The following DPM1 variants were observed in gnomAD, a reference collection of about 807,000 sequenced individuals.
The protein encoded by DPM1 is dolichol-phosphate mannosyltransferase subunit 1.
Under a neutral mutation model 39.0 loss-of-function variants are expected in DPM1, and 27 were observed. The ratio of observed to expected loss-of-function variants is 0.69; its 90% CI spans 0.51 to 0.95. The LOEUF is 0.95. DPM1 is among the 40% of genes least tolerant of loss of function. DPM1 has a pLI of 0.00. For synonymous variants in DPM1, 124 were observed against 109.0 expected (o/e 1.14, Z -0.86); for missense variants, 307 against 315.6 (o/e 0.97, Z 0.21).
intron 8 of DPM1, 43 bp from the exon 9 acceptor site, chr20:50,935,279 T>A: frequency 4.9e-6 from 6 of 1,231,444 alleles, no homozygotes; most frequent in Non-Finnish European, 7.2e-6. Context: ...TTAAAAACAA[T>A]TAGGCAGCTT....
chr20:50,954,176 T>C (rs1159515699), intron 2 of DPM1, among the ~76,000 whole-genome samples: 1 of 152,230 alleles, frequency 6.6e-6, no homozygotes, highest in Non-Finnish European at 1.5e-5. Context: ...GAGTGGCTTT[T>C]TTTTAAAATG....
At chr20:50,939,067 C>A (rs1985474035) in intron 7 of DPM1, among the ~76,000 whole-genome samples, 1 of 152,138 alleles carries the variant, frequency 6.6e-6, no homozygotes. Context: ...CACAGCTAAT[C>A]ATTGCTGTCA....
chr20:50,950,811 A>G (rs1986534291), intron 2 of DPM1, among the ~76,000 whole-genome samples: 1 of 152,120 alleles, frequency 6.6e-6, no homozygotes. Flanking sequence ...TAGAGGTTGC[A>G]TGAGCTGAGA....
chr20:50,947,038 G>T (rs1478971595), intron 3 of DPM1, among the ~76,000 whole-genome samples: 1 of 152,150 alleles, frequency 6.6e-6, no homozygotes, highest in Non-Finnish European at 1.5e-5. Context: ...GAGAAACCCC[G>T]TCTCTACCAA....
chr20:50,941,358 T>TTATATATATTC (rs1985784387), intron 6 of DPM1: 1 of 128,784 alleles, frequency 7.8e-6, no homozygotes, highest in Non-Finnish European at 1.4e-5. Context: ...TATATTCATA[T>TTATATATATTC]ACATATATAT....
chr20:50,936,700 C>T (rs1985189006), intron 7 of DPM1, among the ~76,000 whole-genome samples: 1 of 152,200 alleles, frequency 6.6e-6, no homozygotes, highest in Admixed American at 6.5e-5. Flanking sequence ...TCATAATTCA[C>T]AGTCATTTTC....
chr20:50,937,828 T>C (rs937405445), intron 7 of DPM1, among the ~76,000 whole-genome samples: 3 of 151,958 alleles, frequency 2.0e-5, no homozygotes, highest in Non-Finnish European at 1.5e-5. Flanking sequence ...GTTATTATTA[T>C]TATTATTATT....
chr20:50,936,272 A>G lies in DPM1; in HGVS notation c.564-10T>C. The stretch of plus-strand genomic sequence containing the variant: ...TTCTTTTCGGTATAATCTGTAAGAA[A>G]TTAAAAATATATATCAACTTCTGGA... On this transcript the variant is annotated splice_polypyrimidine_tract_variant and intron_variant, in intron 7 of 8. Transcript: ENST00000371588. 6.5e-7 allele frequency: 1 copy of G among 1,531,332 alleles called. No individual in the cohort carries two copies. Among genetic ancestry groups the G allele is most frequent in the Non-Finnish European group, 9.0e-7 (1 of 1,107,488 alleles). The allele number at this position is 1,531,332 out of a possible 1,614,324, so 94.9% of individuals were successfully genotyped here. A position where few individuals can be genotyped will look rare whatever the true frequency, so the allele number is the denominator to read the frequency against.
intron 1 of DPM1, among the ~76,000 whole-genome samples, chr20:50,955,673 C>T (rs1393290680): frequency 1.3e-5 from 2 of 152,204 alleles, no homozygotes; most frequent in East Asian, 3.9e-4. Flanking sequence ...AAGCAATTCT[C>T]CTGCCTCAGC....
rs75526458 is a variant in DPM1, at chr20:50,935,823, G to A, written c.678+325C>T. Among the ~76,000 whole-genome samples, 5,402 of 152,228 alleles carry A rather than the reference G, an allele frequency of 0.035. 221 individuals carry two copies. Among genetic ancestry groups the A allele is most frequent in the African/African-American group, 0.085 (3,545 of 41,540 alleles). ...TATGGAACTCATCATTCATTTTAAA[G>A]TATGGTGGCCATTGGCGGTGACAAA... On this transcript the variant is annotated intron_variant, in intron 8 of 8. Transcript: ENST00000371588.
At chr20:50,954,770 C>T (rs1260839517) in intron 2 of DPM1, among the ~76,000 whole-genome samples, 5 of 152,170 alleles carry the variant, frequency 3.3e-5, no homozygotes, top group South Asian at 2.1e-4. Context: ...TCTACCTACA[C>T]GCTCTTAATT....
At chr20:50,953,120 T>C (rs925089950) in intron 2 of DPM1, among the ~76,000 whole-genome samples, 6 of 152,214 alleles carry the variant, frequency 3.9e-5, no homozygotes, top group South Asian at 2.1e-4. Flanking sequence ...AGTTGGGAGA[T>C]GAAACAAACT....
At chr20:50,944,061 TAACACATATTTTCCCAAATTTG>T (rs1986104989) in intron 5 of DPM1, among the ~76,000 whole-genome samples, 4 of 152,252 alleles carry the variant, frequency 2.6e-5, no homozygotes, top group Middle Eastern at 3.2e-3. Flanking sequence ...TTTTTAATTC[TAACACATATTTTCCCAAATTTG>T]AACACATATT....
At chr20:50,955,139 CTACA>C in intron 2 of DPM1, 43 bp downstream of exon 2, 1 of 1,362,906 alleles carries the variant, frequency 7.3e-7, no homozygotes, top group Non-Finnish European at 1.0e-6. Context: ...CATCTTTCCC[CTACA>C]TAATCACAAT....
intron 5 of DPM1, among the ~76,000 whole-genome samples, chr20:50,942,503 C>CAAA (rs11484450): frequency 3.9e-5 from 5 of 128,782 alleles, no homozygotes; most frequent in Admixed American, 7.9e-5. Flanking sequence ...GACTCCATCT[C>CAAA]AAAAAAAAAA....
In DPM1 at chr20:50,942,274, G is replaced by A. The variant is rs144785350; in HGVS notation, c.399-148C>T. 6,822 of 721,916 alleles carry A rather than the reference G, an allele frequency of 9.4e-3. 354 individuals carry two copies. In the African/African-American group the frequency reaches 0.1, roughly 11 times the overall value. 44.7% of individuals were successfully genotyped at this position (721,916 alleles called of 1,614,324 possible). ...TGCAATCCTAGCACTTTGGGAGGCCGAGGCGGGTGGATCACGAGGCCAGGA... is the reference window on the plus strand; with the variant it reads ...TGCAATCCTAGCACTTTGGGAGGCCAAGGCGGGTGGATCACGAGGCCAGGA... On this transcript the variant is annotated intron_variant, in intron 5 of 8. Coordinates refer to ENST00000371588, the MANE Select transcript of DPM1 (RefSeq NM_003859.3).
chr20:50,946,467 A>G (rs1223665937), intron 3 of DPM1, among the ~76,000 whole-genome samples: 1 of 152,222 alleles, frequency 6.6e-6, no homozygotes, highest in Non-Finnish European at 1.5e-5. Flanking sequence ...ATGATTCTTG[A>G]TTTCCTGCCT....
Position 50,935,107 on chromosome 20 carries a change from G to C in DPM1, c.*25C>G, listed in dbSNP as rs764790771. 9 of 1,306,898 alleles carry C rather than the reference G, an allele frequency of 6.9e-6. No homozygotes were observed. Among genetic ancestry groups the C allele is most frequent in the Non-Finnish European group, 8.9e-6 (8 of 902,754 alleles). 81.0% of individuals were successfully genotyped at this position (1,306,898 alleles called of 1,614,324 possible). On this transcript the variant is annotated 3_prime_UTR_variant, in exon 9 of 9. Transcript: ENST00000371588. ...CTTTCATGTTTAACCTGAAATGAACGTAACTATAAATGAGTATCTTTCTTT... is the reference window on the plus strand; with the variant it reads ...CTTTCATGTTTAACCTGAAATGAACCTAACTATAAATGAGTATCTTTCTTT...
chr20:50,955,287 T>TA lies in DPM1; in HGVS notation c.162-3dup, dbSNP rs1568774485. 4 of 1,600,028 alleles carry TA rather than the reference T, an allele frequency of 2.5e-6. No homozygotes were observed. The highest frequency in any genetic ancestry group is 3.4e-6 in the Non-Finnish European group (4 of 1,168,470). ...ATTATAATTTCATAGTTGATTCCAC[T>TA]AAAAAAATTAAATTTGTATTAATGA... is the stretch of plus-strand genomic sequence containing the variant. On this transcript the variant is annotated splice_region_variant and splice_polypyrimidine_tract_variant and intron_variant, in intron 1 of 8. Coordinates refer to ENST00000371588, the MANE Select transcript of DPM1 (RefSeq NM_003859.3).
Sources: gnomAD v4.1 joint callset for allele counts (sites outside exome capture counted in the v4.1 genomes callset) on GRCh38, gnomAD v4.1.1 for gene constraint, MANE v1.5 for transcripts, NCBI Gene and HGNC (gene_info 2026-07-23, HGNC 2026-07-21) for gene names.